Variants in CEP128 observed in about 807,000 individuals in gnomAD.
CEP128 encodes centrosomal protein 128kDa.
Under a neutral mutation model 156.7 loss-of-function variants are expected in CEP128, and 132 were observed. The ratio of observed to expected loss-of-function variants is 0.84; its 90% confidence interval spans 0.73 to 0.97. The LOEUF is 0.97. Among genes scored for constraint, CEP128 ranks in the 50% least tolerant of loss-of-function variants. The pLI is 0.00. For missense variants in CEP128, 1,252 were observed against 1,281.9 expected, an observed-to-expected ratio of 0.98 and a Z score of 0.36; for synonymous variants, 469 against 448.9, an observed-to-expected ratio of 1.04 and a Z score of -0.57.
intron 19 of CEP128, among the ~76,000 whole-genome samples, chr14:80,581,542 C>T (rs562136006): frequency 2.6e-5 from 4 of 152,178 alleles, no homozygotes; most frequent in Non-Finnish European, 4.4e-5. Context: ...CCTTTGAGGC[C>T]GCACAGCTAA....
chr14:80,661,660 A>G (rs1895408147), intron 19 of CEP128, among the ~76,000 whole-genome samples: 1 of 152,202 alleles, frequency 6.6e-6, no homozygotes, highest in African/African-American at 2.4e-5. Context: ...TTATACAAAT[A>G]TTCTGAAATT....
chr14:80,573,084 G>C (rs937923782), intron 20 of CEP128, among the ~76,000 whole-genome samples: 22 of 126,866 alleles, frequency 1.7e-4, no homozygotes, highest in African/African-American at 5.9e-4. Context: ...TACCACGCCT[G>C]ACTAATTTTT....
chr14:80,846,374 G>A (rs1449201630), intron 9 of CEP128, among the ~76,000 whole-genome samples: 1 of 152,088 alleles, frequency 6.6e-6, no homozygotes, highest in East Asian at 1.9e-4. Context: ...GTCCCTAAAA[G>A]AATAAGTAAT....
intron 2 of CEP128, among the ~76,000 whole-genome samples, chr14:80,921,118 A>G (rs1227511402): frequency 1.3e-5 from 2 of 152,224 alleles, no homozygotes; most frequent in Non-Finnish European, 2.9e-5. Flanking sequence ...ACGGGATAAA[A>G]GCATGAATTC....
chr14:80,932,049 G>C (rs1455726588), intron 2 of CEP128, among the ~76,000 whole-genome samples: 1 of 152,164 alleles, frequency 6.6e-6, no homozygotes, highest in Non-Finnish European at 1.5e-5. Context: ...CATGATAGTA[G>C]TGAGTTCTCA....
intron 13 of CEP128, among the ~76,000 whole-genome samples, chr14:80,810,946 T>C (rs564318779): frequency 6.6e-6 from 1 of 152,224 alleles, no homozygotes; most frequent in Admixed American, 6.5e-5. Context: ...CCTCCCCTAA[T>C]GCCCCCCACA....
chr14:80,714,740 C>G (rs1466087183), intron 19 of CEP128, among the ~76,000 whole-genome samples: 3 of 151,944 alleles, frequency 2.0e-5, no homozygotes, highest in African/African-American at 7.3e-5. Context: ...GCCCACATCC[C>G]ATACCCGACA....
At chr14:80,642,392 G>A (rs1049738471) in intron 19 of CEP128, among the ~76,000 whole-genome samples, 19 of 152,216 alleles carry the variant, frequency 1.2e-4, no homozygotes, top group African/African-American at 3.9e-4. Context: ...ACTTAAGAAT[G>A]AGAGAGACAA....
intron 19 of CEP128, among the ~76,000 whole-genome samples, chr14:80,608,858 T>C (rs1199905104): frequency 6.6e-6 from 1 of 152,162 alleles, no homozygotes; most frequent in African/African-American, 2.4e-5. Context: ...CTAAAAATAA[T>C]AATGGTTTTC....
intron 21 of CEP128, among the ~76,000 whole-genome samples, chr14:80,532,470 A>G (rs1310777541): frequency 1.3e-5 from 2 of 152,310 alleles, no homozygotes; most frequent in African/African-American, 4.8e-5. Flanking sequence ...TATCCAATCC[A>G]GAGCCTCACT....
chr14:80,717,766 T>G (rs117908931), intron 19 of CEP128, among the ~76,000 whole-genome samples: 3,441 of 152,268 alleles, frequency 0.023, 69 homozygotes, highest in Non-Finnish European at 0.035. Context: ...TAACTCAGTA[T>G]GTCATTTCAC....
At chr14:80,669,266 T>A (rs921078659) in intron 19 of CEP128, among the ~76,000 whole-genome samples, 22 of 152,114 alleles carry the variant, frequency 1.4e-4, no homozygotes, top group Non-Finnish European at 3.1e-4. Context: ...AGGCAAAGAA[T>A]TCATGACTAA....
chr14:80,535,281 A>G lies in CEP128; in HGVS notation c.2881-4395T>C, dbSNP rs140400946. Among the ~76,000 whole-genome samples the G allele has an allele frequency of 5.2e-4, 79 of 152,350 alleles. 1 individual carries two copies. The East Asian group carries it at 0.015, about 29-fold the overall frequency. On this transcript the variant is annotated intron_variant, in intron 21 of 24. Transcript: ENST00000555265. ...AACTTCCTTGCAGTCAGATGGTGGC[A>G]AAGCTGGGATGCAAATCCAAGCAGT...
intron 18 of CEP128, among the ~76,000 whole-genome samples, chr14:80,755,147 C>T (rs759358771): frequency 1.3e-5 from 2 of 152,140 alleles, no homozygotes; most frequent in African/African-American, 2.4e-5. Flanking sequence ...AAAAGACAGA[C>T]TGGTCGAGCC....
At chr14:80,537,048 T>C (rs1043594768) in intron 21 of CEP128, among the ~76,000 whole-genome samples, 4 of 152,200 alleles carry the variant, frequency 2.6e-5, no homozygotes, top group African/African-American at 9.7e-5. Flanking sequence ...TATAACACTA[T>C]TGTAGTCAAA....
rs442359 is a variant in CEP128 at position 80,764,269 on chromosome 14, C to T, written c.2377-2656G>A. Among the ~76,000 whole-genome samples, 6 of 152,074 alleles carry T rather than the reference C, an allele frequency of 3.9e-5. No individual in the cohort carries two copies. In the South Asian group the frequency reaches 6.2e-4, roughly 16 times the overall value. On this transcript the variant is annotated intron_variant, in intron 16 of 24. Transcript: ENST00000555265. ...ATCCCAGCACTTTGGGAGGCCGAGG[C>T]GGGTGGATCATGAGGTCAGGAGATC...
At chr14:80,927,039 T>G (rs1833591431) in intron 2 of CEP128, among the ~76,000 whole-genome samples, 1 of 152,182 alleles carries the variant, frequency 6.6e-6, no homozygotes, top group South Asian at 2.1e-4. Context: ...GTGGATCCCT[T>G]TTAGACATTC....
chr14:80,617,101 GA>G (rs5810000), intron 19 of CEP128, among the ~76,000 whole-genome samples: 45,974 of 151,522 alleles, frequency 0.3, 7,345 homozygotes, highest in East Asian at 0.5. Flanking sequence ...AAAACATTTG[GA>G]ACTAAGTAAA....
At chr14:80,667,511 A>G (rs1262335867) in intron 19 of CEP128, among the ~76,000 whole-genome samples, 1 of 152,198 alleles carries the variant, frequency 6.6e-6, no homozygotes, top group Admixed American at 6.5e-5. Context: ...CCAAATTCTA[A>G]AATAAAATTT....
Sources: gnomAD v4.1 joint callset for allele counts (sites outside exome capture counted in the v4.1 genomes callset) on GRCh38, gnomAD v4.1.1 for gene constraint, MANE v1.5 for transcripts, NCBI Gene and HGNC (gene_info 2026-07-23, HGNC 2026-07-21) for gene names.